The following NELL1 variants were observed in gnomAD, a reference collection of about 807,000 sequenced individuals.
The protein encoded by NELL1 is protein kinase C-binding protein NELL1.
Under a neutral mutation model 107.4 loss-of-function variants are expected in NELL1, and 76 were observed. That is an observed-to-expected ratio of 0.71 (90% CI 0.59 to 0.86). NELL1 has a LOEUF of 0.86. Ranked by LOEUF, NELL1 falls within the 40% of genes least tolerant of loss-of-function variation. NELL1 has a pLI of 0.00. For missense variants in NELL1, 1,024 were observed against 1,005.5 expected (o/e 1.02, Z -0.25); for synonymous variants, 353 against 341.2 (o/e 1.03, Z -0.38).
chr11:20,684,170 T>C, intron 2 of NELL1, among the ~76,000 whole-genome samples: 1 of 151,658 alleles, frequency 6.6e-6, no homozygotes, highest in Non-Finnish European at 1.5e-5. Context: ...CTTTGGGAGG[T>C]TTGAGGCAGG....
chr11:21,277,063 T>G (rs915832019), intron 14 of NELL1, among the ~76,000 whole-genome samples: 5 of 151,058 alleles, frequency 3.3e-5, no homozygotes, highest in African/African-American at 1.2e-4. Context: ...CTAATTAAAC[T>G]AAAGAGCTTC....
intron 2 of NELL1, among the ~76,000 whole-genome samples, chr11:20,708,479 G>A (rs755728665): frequency 1.3e-5 from 2 of 151,996 alleles, no homozygotes; most frequent in South Asian, 2.1e-4. Flanking sequence ...GAACCTCCCT[G>A]AACATTTTTT....
intron 13 of NELL1, among the ~76,000 whole-genome samples, chr11:21,121,019 G>C (rs73464403): frequency 6.6e-6 from 1 of 152,066 alleles, no homozygotes; most frequent in Non-Finnish European, 1.5e-5. Context: ...CTCACCTCAG[G>C]GTTGAATCAC....
intron 15 of NELL1, among the ~76,000 whole-genome samples, chr11:21,514,161 C>G (rs1363391916): frequency 6.6e-6 from 1 of 152,048 alleles, no homozygotes; most frequent in East Asian, 1.9e-4. Context: ...CTAACATATT[C>G]CATCATTTTG....
chr11:21,478,068 T>C (rs1483104826), intron 15 of NELL1, among the ~76,000 whole-genome samples: 1 of 151,972 alleles, frequency 6.6e-6, no homozygotes, highest in East Asian at 1.9e-4. Flanking sequence ...CAGTTCCTCA[T>C]TGCTGGGGAG....
chr11:20,993,999 G>A (rs1852036892), intron 12 of NELL1, among the ~76,000 whole-genome samples: 1 of 151,816 alleles, frequency 6.6e-6, no homozygotes, highest in Non-Finnish European at 1.5e-5. Context: ...TATTTTCAAA[G>A]ATAGAAATGC....
intron 15 of NELL1, among the ~76,000 whole-genome samples, chr11:21,410,273 C>T (rs1380277595): frequency 6.6e-6 from 1 of 151,972 alleles, no homozygotes; most frequent in South Asian, 2.1e-4. Flanking sequence ...CTACCTGTGC[C>T]ATTCATTTCA....
chr11:21,070,030 A>G (rs917140554), intron 12 of NELL1, among the ~76,000 whole-genome samples: 3 of 152,170 alleles, frequency 2.0e-5, no homozygotes, highest in African/African-American at 7.2e-5. Flanking sequence ...CCATGTGATA[A>G]CGTATATTGG....
intron 16 of NELL1, among the ~76,000 whole-genome samples, chr11:21,554,263 A>T (rs943163425): frequency 6.6e-6 from 1 of 151,886 alleles, no homozygotes; most frequent in Admixed American, 6.6e-5. Context: ...AAATTTGTAC[A>T]TCCTATAAAT....
intron 13 of NELL1, among the ~76,000 whole-genome samples, chr11:21,193,579 G>A (rs922805396): frequency 2.0e-5 from 3 of 151,834 alleles, no homozygotes; most frequent in African/African-American, 7.3e-5. Flanking sequence ...TGTATTTATA[G>A]AGGAAAAAAA....
chr11:21,369,022 A>G (rs1851296921), intron 14 of NELL1, among the ~76,000 whole-genome samples: 1 of 151,994 alleles, frequency 6.6e-6, no homozygotes, highest in South Asian at 2.1e-4. Context: ...CTACTTAAAG[A>G]CTGAGTAAAT....
At chr11:21,502,257 T>A (rs1387298982) in intron 15 of NELL1, among the ~76,000 whole-genome samples, 1 of 152,238 alleles carries the variant, frequency 6.6e-6, no homozygotes, top group Non-Finnish European at 1.5e-5. Context: ...GAGAGACTTC[T>A]GTTGAGTGCC....
chr11:21,059,887 G>A (rs148936309), intron 12 of NELL1, among the ~76,000 whole-genome samples: 4 of 152,232 alleles, frequency 2.6e-5, no homozygotes, highest in Non-Finnish European at 5.9e-5. Flanking sequence ...GCATAAATAT[G>A]CCAATATATT....
intron 3 of NELL1, among the ~76,000 whole-genome samples, chr11:20,826,352 A>C (rs1167867230): frequency 6.6e-6 from 1 of 151,292 alleles, no homozygotes; most frequent in African/African-American, 2.4e-5. Flanking sequence ...AACAAGAAGA[A>C]GTCAAGAGCA....
chr11:21,302,751 G>A (rs1186980204), intron 14 of NELL1, among the ~76,000 whole-genome samples: 5 of 151,804 alleles, frequency 3.3e-5, no homozygotes, highest in Admixed American at 2.6e-4. Context: ...GGTTCTGTGG[G>A]AGAAAACAAA....
chr11:20,929,294 G>A (rs1053700169), intron 9 of NELL1, among the ~76,000 whole-genome samples: 2 of 152,162 alleles, frequency 1.3e-5, no homozygotes, highest in Non-Finnish European at 2.9e-5. Context: ...AATGTCAGTA[G>A]CCTTCAAAGC....
intron 13 of NELL1, among the ~76,000 whole-genome samples, chr11:21,146,044 A>G (rs1279058003): frequency 6.6e-6 from 1 of 152,178 alleles, no homozygotes; most frequent in African/African-American, 2.4e-5. Context: ...AAGTGAAGGA[A>G]GCTATTTCAT....
intron 15 of NELL1, among the ~76,000 whole-genome samples, chr11:21,457,815 A>G (rs1373729607): frequency 6.6e-6 from 1 of 152,188 alleles, no homozygotes; most frequent in Non-Finnish European, 1.5e-5. Context: ...AAAAATAAAG[A>G]AGACTGAGAA....
At chr11:20,977,029 G>T (rs529306425) in intron 12 of NELL1, among the ~76,000 whole-genome samples, 12 of 151,994 alleles carry the variant, frequency 7.9e-5, no homozygotes, top group African/African-American at 2.9e-4. Flanking sequence ...GTTTGGGTAT[G>T]ATGTTTCTGA....
Sources: gnomAD v4.1 joint callset for allele counts (sites outside exome capture counted in the v4.1 genomes callset) on GRCh38, gnomAD v4.1.1 for gene constraint, MANE v1.5 for transcripts, NCBI Gene and HGNC (gene_info 2026-07-23, HGNC 2026-07-21) for gene names.